The following EMP2 variants were observed in gnomAD, a reference collection of about 807,000 sequenced individuals.
The protein encoded by EMP2 is epithelial membrane protein 2.
A neutral mutation model predicts 13.7 loss-of-function variants in EMP2; 19 were observed. That is an observed-to-expected ratio of 1.38 (90% CI 0.97 to 2.03). The LOEUF (loss-of-function observed/expected upper bound fraction) is 2.03. Ranked by LOEUF, EMP2 falls within the 30% of genes most tolerant of loss-of-function variation. The pLI is 0.00. For synonymous variants in EMP2, 97 were observed against 84.7 expected (o/e 1.15, Z -0.80); for missense variants, 253 against 220.7 (o/e 1.15, Z -0.93).
chr16:10,532,046 C>T lies in EMP2; in HGVS notation c.*859G>A, dbSNP rs1254053014. 2 of 154,772 alleles carry T rather than the reference C, an allele frequency of 1.3e-5. No individual in the cohort carries two copies. The highest frequency in any genetic ancestry group is 1.5e-5 in the Non-Finnish European group (1 of 68,244). The allele number at this position is 154,772 out of a possible 1,614,324, so 9.6% of individuals were successfully genotyped here. On this transcript the variant is annotated 3_prime_UTR_variant, in exon 5 of 5. Transcript: ENST00000359543. Reference sequence around the variant, plus strand: ...CATTCACCTCCCCATCTCCACATGACGATACCCCAGCATTTACGAGGCAGC... The same window carrying T: ...CATTCACCTCCCCATCTCCACATGATGATACCCCAGCATTTACGAGGCAGC...
At chr16:10,550,538 G>A (rs78578132) in intron 1 of EMP2, among the ~76,000 whole-genome samples, 2,829 of 152,294 alleles carry the variant, frequency 0.019, 70 homozygotes, top group African/African-American at 0.064. Flanking sequence ...AAGCAGGAAT[G>A]GCATATGAGC....
chr16:10,533,860 T>C (rs936657126), intron 4 of EMP2, among the ~76,000 whole-genome samples: 6 of 152,100 alleles, frequency 3.9e-5, no homozygotes, highest in African/African-American at 1.4e-4. Context: ...ATGCCTGTAA[T>C]CCCAGCACTT....
chr16:10,573,262 G>T (rs1051925790), intron 1 of EMP2, among the ~76,000 whole-genome samples: 3 of 151,998 alleles, frequency 2.0e-5, no homozygotes, highest in Non-Finnish European at 2.9e-5. Context: ...TGTTGCCCAG[G>T]CTGGTCTCAA....
chr16:10,567,275 A>T (rs1325216554), intron 1 of EMP2, among the ~76,000 whole-genome samples: 2 of 152,118 alleles, frequency 1.3e-5, no homozygotes, highest in African/African-American at 4.8e-5. Context: ...TTATCAGTGG[A>T]GTGAGGGATG....
At chr16:10,560,307 G>A (rs1364150572) in intron 1 of EMP2, among the ~76,000 whole-genome samples, 3 of 152,180 alleles carry the variant, frequency 2.0e-5, no homozygotes, top group Non-Finnish European at 2.9e-5. Flanking sequence ...GGTCATCCCC[G>A]AGTCCTCCAG....
intron 1 of EMP2, chr16:10,558,897 A>G (rs933100103): frequency 6.6e-6 from 1 of 152,146 alleles, no homozygotes; most frequent in South Asian, 2.1e-4. Context: ...TCTTCCTACT[A>G]TTTAAACCAC....
At chr16:10,566,755 G>A (rs972234228) in intron 1 of EMP2, among the ~76,000 whole-genome samples, 1 of 152,150 alleles carries the variant, frequency 6.6e-6, no homozygotes, top group African/African-American at 2.4e-5. Context: ...CTGTCCATCA[G>A]TGTGTTCGCT....
intron 1 of EMP2, among the ~76,000 whole-genome samples, chr16:10,560,873 C>A (rs2050866664): frequency 6.6e-6 from 1 of 152,180 alleles, no homozygotes; most frequent in African/African-American, 2.4e-5. Flanking sequence ...CCAGGACTCT[C>A]CACTGACCAA....
At chr16:10,560,449 C>G (rs866106932) in intron 1 of EMP2, among the ~76,000 whole-genome samples, 2 of 152,308 alleles carry the variant, frequency 1.3e-5, no homozygotes, top group South Asian at 4.1e-4. Context: ...TTGTTCACAT[C>G]ATCCAATTTG....
intron 1 of EMP2, among the ~76,000 whole-genome samples, chr16:10,556,289 T>A (rs901051774): frequency 1.1e-4 from 17 of 152,182 alleles, no homozygotes; most frequent in South Asian, 2.1e-4. Flanking sequence ...CAATTTTTTT[T>A]AAAATCATTT....
intron 1 of EMP2, among the ~76,000 whole-genome samples, chr16:10,579,597 C>T (rs976371858): frequency 2.0e-5 from 3 of 152,060 alleles, no homozygotes; most frequent in African/African-American, 4.8e-5. Context: ...ATAAAATTTG[C>T]CTATTCTAGG....
At chr16:10,563,530 T>C (rs1321887040) in intron 1 of EMP2, among the ~76,000 whole-genome samples, 2 of 152,178 alleles carry the variant, frequency 1.3e-5, no homozygotes, top group Non-Finnish European at 2.9e-5. Flanking sequence ...CCTATCATTT[T>C]TATAGATGGA....
intron 1 of EMP2, among the ~76,000 whole-genome samples, chr16:10,564,719 G>A (rs2050895869): frequency 6.6e-6 from 1 of 151,922 alleles, no homozygotes; most frequent in South Asian, 2.1e-4. Flanking sequence ...CAGAAAGGAA[G>A]CCACCAAATG....
chr16:10,563,935 T>G lies in EMP2; in HGVS notation c.-60-16258A>C, dbSNP rs1397954483. The stretch of plus-strand genomic sequence containing the variant: ...AAATTGGGGCTTCACCCAGGAGGGT[T>G]CTTGGCTTCACCCAGGAAAGAATTC... On this transcript the variant is annotated intron_variant, in intron 1 of 4. Coordinates refer to ENST00000359543, the MANE Select transcript of EMP2 (RefSeq NM_001424.6). 2.0e-5 allele frequency among the ~76,000 whole-genome samples: 3 copies of G among 152,368 alleles called. No homozygotes were observed. In the East Asian group the frequency reaches 5.8e-4, roughly 29 times the overall value.
At chr16:10,574,448 T>G (rs2050968795) in intron 1 of EMP2, among the ~76,000 whole-genome samples, 1 of 152,086 alleles carries the variant, frequency 6.6e-6, no homozygotes, top group Non-Finnish European at 1.5e-5. Flanking sequence ...CCCTCATCCC[T>G]CCCTGCTCCA....
At chr16:10,568,787 T>TTC (rs2050927294) in intron 1 of EMP2, among the ~76,000 whole-genome samples, 1 of 142,806 alleles carries the variant, frequency 7.0e-6, no homozygotes, top group Admixed American at 7.0e-5. Flanking sequence ...TTTCTTTTTT[T>TTC]TTTTTTTTTT....
At chr16:10,561,913 G>A (rs962407374) in intron 1 of EMP2, among the ~76,000 whole-genome samples, 9 of 152,272 alleles carry the variant, frequency 5.9e-5, no homozygotes, top group Non-Finnish European at 8.8e-5. Context: ...GAAAAAAAAG[G>A]GTTTATCCAG....
intron 1 of EMP2, among the ~76,000 whole-genome samples, chr16:10,578,425 A>C (rs2050999439): frequency 6.6e-6 from 1 of 152,188 alleles, no homozygotes; most frequent in South Asian, 2.1e-4. Flanking sequence ...AGGGTGGAGA[A>C]GCGGGGGCGG....
At position 10,528,749 on chromosome 16, in the gene EMP2, T is replaced by C. The variant is rs1255445838; in HGVS notation, c.*4156A>G. On this transcript the variant is annotated 3_prime_UTR_variant, in exon 5 of 5. Transcript: ENST00000359543. ...TAACATTTCCCCAACACCACAAAAT[T>C]GTCCAACTTGCTCTATTGTAAGTAA... The C allele has an allele frequency of 1.3e-5, 2 of 152,206 alleles. No homozygotes were observed. Among genetic ancestry groups the C allele is most frequent in the Non-Finnish European group, 2.9e-5 (2 of 68,052 alleles). The allele number at this position is 152,206 out of a possible 1,614,324, so 9.4% of individuals were successfully genotyped here.
Sources: gnomAD v4.1 joint callset for allele counts (sites outside exome capture counted in the v4.1 genomes callset) on GRCh38, gnomAD v4.1.1 for gene constraint, MANE v1.5 for transcripts, NCBI Gene and HGNC (gene_info 2026-07-23, HGNC 2026-07-21) for gene names.